The following HERC1 variants were observed in gnomAD, a reference collection of about 807,000 sequenced individuals.
The protein encoded by HERC1 is probable E3 ubiquitin-protein ligase HERC1.
In HERC1, 160 loss-of-function variants were observed where a neutral mutation model predicts 554.3. That is an observed-to-expected ratio of 0.29 (90% CI 0.25 to 0.33). HERC1 has a LOEUF of 0.33. Ranked by LOEUF, HERC1 falls within the 10% of genes least tolerant of loss-of-function variation. HERC1 has a pLI of 1.00. For missense variants in HERC1, 4,919 were observed against 5,918.5 expected, an observed-to-expected ratio of 0.83 and a Z score of 5.54; for synonymous variants, 2,175 against 2,131.7, an observed-to-expected ratio of 1.02 and a Z score of -0.56.
At position 63,727,828 on chromosome 15, in the gene HERC1, G is replaced by A. The variant is rs1140416; in HGVS notation, c.3165C>T (p.Tyr1055=). 32 of 1,612,296 alleles carry A rather than the reference G, an allele frequency of 2.0e-5. No homozygotes were observed. In the South Asian group the frequency reaches 2.4e-4, roughly 12 times the overall value. The change falls in exon 17 of 78, where the codon TAC becomes TAT. Residue 1055 remains tyrosine, a synonymous_variant. Transcript: ENST00000443617. This position sits in a 1 kb window ranked among gnomAD's most constrained non-coding sequence, Gnocchi z 4.3. The stretch of plus-strand genomic sequence containing the variant: ...AGAGCATACTGCCAGCAGCTGAGAC[G>A]TATATCACATCTATGAAGGGCAAGA... ...SVGEKLRDVI[Y]VSAAGSMLCQ...
intron 12 of HERC1, 52 bp downstream of exon 12, chr15:63,746,866 C>T: frequency 6.8e-7 from 1 of 1,469,562 alleles, no homozygotes; most frequent in Non-Finnish European, 9.3e-7. Flanking sequence ...TAGCTAAAAT[C>T]TCAGAGAAAG....
At chr15:63,644,925 G>T (rs2069255381) in intron 57 of HERC1, 67 bp downstream of exon 57, 2 of 1,201,988 alleles carry the variant, frequency 1.7e-6, no homozygotes, top group Admixed American at 1.7e-5. Context: ...GTAACCAAGG[G>T]AGAATGACTC....
intron 2 of HERC1, among the ~76,000 whole-genome samples, chr15:63,764,764 A>C (rs1269152326): frequency 6.6e-6 from 1 of 152,144 alleles, no homozygotes; most frequent in South Asian, 2.1e-4. Flanking sequence ...TAAAACAATA[A>C]TTGACTGCAG....
At position 63,628,728 on chromosome 15, in the gene HERC1, G is replaced by A. The variant is rs756796869; in HGVS notation, c.13054C>T (p.Arg4352Cys). 1.4e-5 allele frequency: 22 copies of A among 1,613,792 alleles called. No homozygotes were observed. The highest frequency in any genetic ancestry group is 2.2e-5 in the East Asian group (1 of 44,892). The change falls in exon 70 of 78, where the codon CGC (arginine) becomes TGC (cysteine). Residue 4352 changes from arginine to cysteine, a missense_variant. Physicochemically the swap from Arg to Cys is radical, Grantham distance 180 (BLOSUM62 -3). Coordinates refer to ENST00000443617, the MANE Select transcript of HERC1 (RefSeq NM_003922.4). ...GCTGTCCATGCAGCACTGTGGCAGC[G>A]GCCAGCCGAGATCTGCCGAACATTT... ...GKNVRQISAG[R>C]CHSAAWTAPP...
In HERC1 at chr15:63,774,819, C is replaced by A. The variant is rs202244454; in HGVS notation, c.805G>T (p.Glu269Ter). 6.2e-7 allele frequency: 1 copy of A among 1,614,034 alleles called. No individual in the cohort carries two copies. The highest frequency in any genetic ancestry group is 2.2e-5 in the East Asian group (1 of 44,888). The change falls in exon 2 of 78, where the codon GAA becomes TAA. Residue 269 changes from glutamate to a stop codon, truncating the protein, a stop_gained. Transcript: ENST00000443617. LOFTEE classifies it high-confidence loss of function. The stretch of plus-strand genomic sequence containing the variant: ...ACTGCCGAAGCCCCCAAAGCCATTT[C>A]TATCCATTCAAGAAGATATCGCAAT... The part of the protein sequence containing the change: ...GSLRYLLEWI[E>*]MALGASAVVH...
intron 1 of HERC1, among the ~76,000 whole-genome samples, chr15:63,783,085 A>C (rs917700259): frequency 4.6e-5 from 7 of 152,262 alleles, no homozygotes; most frequent in African/African-American, 1.7e-4. Context: ...ACAAAGGATT[A>C]GAATATTACA....
rs573246889 is a variant in HERC1, at chr15:63,822,812, T to C, written c.-27+11015A>G. Among the ~76,000 whole-genome samples the C allele has an allele frequency of 5.4e-4, 82 of 152,214 alleles. 1 individual carries two copies. The highest frequency in any genetic ancestry group is 1.9e-3 in the African/African-American group (77 of 41,530). On this transcript the variant is annotated intron_variant, in intron 1 of 77. Transcript: ENST00000443617. ...ATAAGGCAGAGATGACAAAATGTGATCAGATTAGAAATGTATTCAGAAAAT... is the reference window on the plus strand; with the variant it reads ...ATAAGGCAGAGATGACAAAATGTGACCAGATTAGAAATGTATTCAGAAAAT...
chr15:63,666,744 T>C (rs941241750), intron 40 of HERC1, among the ~76,000 whole-genome samples: 1 of 152,204 alleles, frequency 6.6e-6, no homozygotes, highest in Non-Finnish European at 1.5e-5. Context: ...TAAATCTGTA[T>C]ACTCAATAAA....
At chr15:63,726,038 G>A (rs139200162) in intron 17 of HERC1, among the ~76,000 whole-genome samples, 2 of 152,272 alleles carry the variant, frequency 1.3e-5, no homozygotes, top group Non-Finnish European at 2.9e-5. Context: ...CTGGAGTGCA[G>A]TGGCATGATC....
At chr15:63,715,009 A>G (rs1318929035) in intron 22 of HERC1, among the ~76,000 whole-genome samples, 1 of 152,226 alleles carries the variant, frequency 6.6e-6, no homozygotes. Context: ...TTCTACAAAA[A>G]TCAAAGCAAT....
chr15:63,791,328 G>A (rs2076646888), intron 1 of HERC1, among the ~76,000 whole-genome samples: 1 of 152,184 alleles, frequency 6.6e-6, no homozygotes, highest in Non-Finnish European at 1.5e-5. Flanking sequence ...ATATTATGCT[G>A]GGACTCAAAA....
At chr15:63,786,611 C>G (rs961739247) in intron 1 of HERC1, among the ~76,000 whole-genome samples, 6 of 152,110 alleles carry the variant, frequency 3.9e-5, no homozygotes, top group Non-Finnish European at 8.8e-5. Flanking sequence ...ATAATTTGAG[C>G]CTTGTAAACA....
chr15:63,753,102 A>G lies in HERC1; in HGVS notation c.1775-17T>C. ...CAAGTTTACCTATAAAAACAAACAC[A>G]TTAAACAATTTACTTGTTTTAAAGA... On this transcript the variant is annotated splice_polypyrimidine_tract_variant and intron_variant, in intron 7 of 77. Coordinates refer to ENST00000443617, the MANE Select transcript of HERC1 (RefSeq NM_003922.4). 1 of 1,555,252 alleles carries G rather than the reference A, an allele frequency of 6.4e-7. No individual in the cohort carries two copies. The highest frequency in any genetic ancestry group is 1.4e-5 in the African/African-American group (1 of 73,214).
At chr15:63,831,358 C>T (rs915716713) in intron 1 of HERC1, among the ~76,000 whole-genome samples, 4 of 152,180 alleles carry the variant, frequency 2.6e-5, no homozygotes, top group South Asian at 2.1e-4. Context: ...CCTCCCACCT[C>T]GGCCTCCCCA....
chr15:63,700,894 A>C (rs1167251465), intron 25 of HERC1, among the ~76,000 whole-genome samples: 2 of 151,974 alleles, frequency 1.3e-5, no homozygotes, highest in African/African-American at 2.4e-5. Flanking sequence ...TTAAAGAATA[A>C]AGTAGAGGCT....
chr15:63,655,042 A>G (rs972057776), intron 50 of HERC1, among the ~76,000 whole-genome samples: 21 of 152,074 alleles, frequency 1.4e-4, no homozygotes, highest in African/African-American at 4.8e-4. Context: ...CAGTCAAGGA[A>G]CTGGGCTGAT....
chr15:63,801,513 G>A (rs1319438137), intron 1 of HERC1, among the ~76,000 whole-genome samples: 1 of 152,152 alleles, frequency 6.6e-6, no homozygotes, highest in Non-Finnish European at 1.5e-5. Flanking sequence ...AGTAAAAACA[G>A]CAAAGACAAT....
chr15:63,689,468 C>A, intron 33 of HERC1, 121 bp downstream of exon 33: 1 of 584,492 alleles, frequency 1.7e-6, no homozygotes, highest in Non-Finnish European at 3.0e-6. Context: ...AGACAGAATG[C>A]CAAGAGAGGA....
intron 19 of HERC1, 106 bp downstream of exon 19, chr15:63,723,075 TA>T (rs201867653): frequency 4.0e-4 from 252 of 634,538 alleles, no homozygotes; most frequent in Non-Finnish European, 3.4e-4. Flanking sequence ...CTTTTTCTAT[TA>T]AAAAAAAGGG....
Sources: gnomAD v4.1 joint callset for allele counts (sites outside exome capture counted in the v4.1 genomes callset) on GRCh38, gnomAD v4.1.1 for gene constraint, Gnocchi (gnomAD v3.1) non-coding constraint, MANE v1.5 for transcripts, NCBI Gene and HGNC (gene_info 2026-07-23, HGNC 2026-07-21) for gene names.